The following WDR35 variants were observed in gnomAD, a reference collection of about 807,000 sequenced individuals.
WDR35 encodes the protein WD repeat-containing protein 35.
In WDR35, 118 loss-of-function variants were observed where a neutral mutation model predicts 158.3. That is an observed-to-expected ratio of 0.75 (90% CI 0.64 to 0.87). The LOEUF (loss-of-function observed/expected upper bound fraction) is 0.87. Among genes scored for constraint, WDR35 ranks in the 40% least tolerant of loss-of-function variants. The pLI is 0.00. For synonymous variants in WDR35, 448 were observed against 476.1 expected, an observed-to-expected ratio of 0.94 and a Z score of 0.77; for missense variants, 1,263 against 1,405.8, an observed-to-expected ratio of 0.90 and a Z score of 1.62.
In WDR35 at chr2:19,978,711, C is replaced by T; in HGVS notation, c.436+40G>A. 3 of 1,612,780 alleles carry T rather than the reference C, an allele frequency of 1.9e-6. No homozygotes were observed. The South Asian group carries it at 3.3e-5, about 18-fold the overall frequency. On this transcript the variant is annotated intron_variant, in intron 5 of 26. Coordinates refer to ENST00000281405, the MANE Select transcript of WDR35 (RefSeq NM_020779.4). ...ATCTCTAAAGAAGAAAACTGTCAGC[C>T]AGATATTGATCTTAGTTCTATGTCC... is the stretch of plus-strand genomic sequence containing the variant.
intron 11 of WDR35, among the ~76,000 whole-genome samples, chr2:19,958,562 T>C (rs764885581): frequency 2.6e-5 from 4 of 152,240 alleles, no homozygotes; most frequent in Non-Finnish European, 5.9e-5. Flanking sequence ...TACTCATTGA[T>C]AGTTTGCTAA....
chr2:19,965,715 C>T (rs1382546977), intron 10 of WDR35, among the ~76,000 whole-genome samples: 1 of 152,178 alleles, frequency 6.6e-6, no homozygotes, highest in East Asian at 1.9e-4. Flanking sequence ...AAACCCCAGT[C>T]GTTGTAGGTG....
chr2:19,989,451 C>A (rs1006534589), intron 1 of WDR35, among the ~76,000 whole-genome samples, 169 bp from the exon 2 acceptor site: 1 of 152,130 alleles, frequency 6.6e-6, no homozygotes, highest in Admixed American at 6.5e-5. Flanking sequence ...CTGACCCGGG[C>A]TCTAGCATTT....
Position 19,910,861 on chromosome 2 carries a change from A to G in WDR35, c.*2697T>C, listed in dbSNP as rs377660242. The G allele has an allele frequency of 2.6e-5, 4 of 152,296 alleles. No homozygotes were observed. The highest frequency in any genetic ancestry group is 9.6e-5 in the African/African-American group (4 of 41,558). 9.4% of individuals were successfully genotyped at this position (152,296 alleles called of 1,614,324 possible). ...CAAGACATTATGGCAGATCATTAAA[A>G]CTTTCACAGATATAGATACCAAAGA... On this transcript the variant is annotated 3_prime_UTR_variant, in exon 27 of 27. Coordinates refer to ENST00000281405, the MANE Select transcript of WDR35 (RefSeq NM_020779.4).
chr2:19,932,543 A>C (rs1670558768), intron 22 of WDR35, 96 bp from the exon 23 acceptor site: 2 of 1,479,276 alleles, frequency 1.4e-6, no homozygotes, highest in Admixed American at 3.7e-5. Context: ...TAGTAAAAAC[A>C]CTATTTCAAA....
rs931257200 is a variant in WDR35, at chr2:19,934,729, T to C, written c.2547+742A>G. Among the ~76,000 whole-genome samples the C allele has an allele frequency of 6.6e-6, 1 of 152,042 alleles. No individual in the cohort carries two copies. Among genetic ancestry groups the C allele is most frequent in the Non-Finnish European group, 1.5e-5 (1 of 67,990 alleles). On this transcript the variant is annotated intron_variant, in intron 21 of 26. Transcript: ENST00000281405. This position sits in a 1 kb window ranked among gnomAD's most constrained non-coding sequence, Gnocchi z 4.6. ...TTTCTTTCCTACTCAAGAAAACCCA[T>C]AGGATTGAAAATAAGGGTGAGTGAA... is the stretch of plus-strand genomic sequence containing the variant.
At chr2:19,984,443 T>G (rs1379689327) in intron 2 of WDR35, among the ~76,000 whole-genome samples, 3 of 152,166 alleles carry the variant, frequency 2.0e-5, no homozygotes, top group African/African-American at 7.2e-5. Flanking sequence ...AACTGGTATG[T>G]GAACAAAAAT....
At chr2:19,947,319 G>A (rs1671091314) in intron 14 of WDR35, among the ~76,000 whole-genome samples, 1 of 152,078 alleles carries the variant, frequency 6.6e-6, no homozygotes, top group African/African-American at 2.4e-5. Flanking sequence ...AGTCTCATGA[G>A]GGCTTATCAG....
At chr2:19,958,221 G>T (rs1331758672) in intron 11 of WDR35, among the ~76,000 whole-genome samples, 2 of 152,174 alleles carry the variant, frequency 1.3e-5, no homozygotes, top group Admixed American at 6.5e-5. Flanking sequence ...TGCAGCATAG[G>T]CAAACTGGTA....
At position 19,951,483 on chromosome 2, in the gene WDR35, T is replaced by G; in HGVS notation, c.1402A>C (p.Ile468Leu). 6.2e-7 allele frequency: 1 copy of G among 1,609,730 alleles called. No homozygotes were observed. The highest frequency in any genetic ancestry group is 8.5e-7 in the Non-Finnish European group (1 of 1,177,358). The change falls in exon 13 of 27, where the codon ATT (isoleucine) becomes CTT (leucine). Residue 468 changes from isoleucine to leucine, a missense_variant and splice_region_variant. Coordinates refer to ENST00000281405, the MANE Select transcript of WDR35 (RefSeq NM_020779.4). ...GAAGGGGTATCATCAACATGATAAA[T>G]TCTGCAAAAAAGATCAGAATTTCAA... The part of the protein sequence containing the change: ...TRSRKEGRER[I>L]YHVDDTPSGS...
At chr2:19,933,852 A>T (rs1006799947) in intron 21 of WDR35, among the ~76,000 whole-genome samples, 1 of 152,314 alleles carries the variant, frequency 6.6e-6, no homozygotes, top group African/African-American at 2.4e-5. Flanking sequence ...CTTTATATCA[A>T]TTGGTGGTAT....
At chr2:19,968,499 G>C (rs557824012) in intron 9 of WDR35, among the ~76,000 whole-genome samples, 1 of 151,950 alleles carries the variant, frequency 6.6e-6, no homozygotes, top group African/African-American at 2.4e-5. Flanking sequence ...TTATACTTTG[G>C]GTCACAATAA....
In WDR35 at chr2:19,978,880, C is replaced by A. The variant is rs201147062; in HGVS notation, c.308-1G>T. 6.2e-7 allele frequency: 1 copy of A among 1,613,574 alleles called. No homozygotes were observed. Among genetic ancestry groups the A allele is most frequent in the South Asian group, 1.1e-5 (1 of 91,078 alleles). Reference sequence around the variant, plus strand: ...TTGATCATCTCCTCAATCCAAGAGCCTGTTTTCACAAATTTAAAAAATTAC... The same window carrying A: ...TTGATCATCTCCTCAATCCAAGAGCATGTTTTCACAAATTTAAAAAATTAC... On this transcript the variant is annotated splice_acceptor_variant, in intron 4 of 26. Coordinates refer to ENST00000281405, the MANE Select transcript of WDR35 (RefSeq NM_020779.4). LOFTEE classifies it high-confidence loss of function.
chr2:19,946,880 G>A lies in WDR35; in HGVS notation c.1525-310C>T, dbSNP rs188829629. Among the ~76,000 whole-genome samples, 97 of 152,088 alleles carry A rather than the reference G, an allele frequency of 6.4e-4. 1 individual carries two copies. Among genetic ancestry groups the A allele is most frequent in the Middle Eastern group, 6.8e-3 (2 of 294 alleles). ...AAAAAATCTAAAGTTATTTATATTTGTTATCTAGGTTAATATTCAGGGCAC... is the reference window on the plus strand; with the variant it reads ...AAAAAATCTAAAGTTATTTATATTTATTATCTAGGTTAATATTCAGGGCAC... On this transcript the variant is annotated intron_variant, in intron 14 of 26. Coordinates refer to ENST00000281405, the MANE Select transcript of WDR35 (RefSeq NM_020779.4).
At chr2:19,942,298 T>A (rs770234266) in intron 16 of WDR35, among the ~76,000 whole-genome samples, 11 of 152,198 alleles carry the variant, frequency 7.2e-5, no homozygotes, top group Non-Finnish European at 1.6e-4. Flanking sequence ...TATATTTGTA[T>A]GTAAGCCCAT....
chr2:19,917,999 C>A (rs1365838978), intron 25 of WDR35, among the ~76,000 whole-genome samples: 2 of 152,118 alleles, frequency 1.3e-5, no homozygotes, highest in East Asian at 1.9e-4. Flanking sequence ...AGAGAAAGGT[C>A]GGGCTACCCA....
intron 24 of WDR35, 41 bp from the exon 25 acceptor site, chr2:19,930,593 GCA>G: frequency 1.9e-6 from 3 of 1,612,414 alleles, no homozygotes; most frequent in Non-Finnish European, 2.5e-6. Flanking sequence ...CAGCACAAAC[GCA>G]CACACAGTGT....
rs1234085847 is a variant in WDR35 at position 19,911,145 on chromosome 2, A to C, written c.*2413T>G. 6.6e-6 allele frequency: 1 copy of C among 152,234 alleles called. No individual in the cohort carries two copies. Among genetic ancestry groups the C allele is most frequent in the Non-Finnish European group, 1.5e-5 (1 of 68,054 alleles). 9.4% of individuals were successfully genotyped at this position (152,234 alleles called of 1,614,324 possible). ...GGCAGCACAGAATTAGGGGGAAATGAGAAGCCTCCAAAAGAGAGTTTCCAA... is the reference window on the plus strand; with the variant it reads ...GGCAGCACAGAATTAGGGGGAAATGCGAAGCCTCCAAAAGAGAGTTTCCAA... On this transcript the variant is annotated 3_prime_UTR_variant, in exon 27 of 27. Transcript: ENST00000281405.
At chr2:19,922,402 C>T (rs1446352663) in intron 25 of WDR35, among the ~76,000 whole-genome samples, 1 of 152,138 alleles carries the variant, frequency 6.6e-6, no homozygotes, top group Non-Finnish European at 1.5e-5. Flanking sequence ...AAAAAGGATG[C>T]ATTCATGTCC....
Sources: gnomAD v4.1 joint callset for allele counts (sites outside exome capture counted in the v4.1 genomes callset) on GRCh38, gnomAD v4.1.1 for gene constraint, Gnocchi (gnomAD v3.1) non-coding constraint, MANE v1.5 for transcripts, NCBI Gene and HGNC (gene_info 2026-07-23, HGNC 2026-07-21) for gene names.